ADGRB3: variants seen among roughly 807,000 people sequenced by gnomAD.
ADGRB3 encodes the protein brain-specific angiogenesis inhibitor 3.
In ADGRB3, 37 loss-of-function variants were observed where a neutral mutation model predicts 193.4. That is an observed-to-expected ratio of 0.19 (90% CI 0.15 to 0.25). The LOEUF (loss-of-function observed/expected upper bound fraction) is 0.25, where lower values mean the gene tolerates loss of function less well. Ranked by LOEUF, ADGRB3 falls within the 10% of genes least tolerant of loss-of-function variation. The pLI, the probability that ADGRB3 is intolerant of heterozygous loss-of-function variation, is 1.00. For missense variants in ADGRB3, 1,637 were observed against 1,852.9 expected (o/e 0.88, Z 2.14); for synonymous variants, 690 against 644.2 (o/e 1.07, Z -1.08).
chr6:69,138,730 G>T (rs1425322027), intron 17 of ADGRB3, among the ~76,000 whole-genome samples: 3 of 152,060 alleles, frequency 2.0e-5, no homozygotes, highest in African/African-American at 7.2e-5. Context: ...CTAGGTTAAT[G>T]AATTATAATG....
intron 20 of ADGRB3, among the ~76,000 whole-genome samples, chr6:69,265,092 T>C (rs1454145707): frequency 6.6e-6 from 1 of 151,974 alleles, no homozygotes; most frequent in Non-Finnish European, 1.5e-5. Context: ...CATTGCCTTA[T>C]ACAGTGGTTC....
intron 3 of ADGRB3, among the ~76,000 whole-genome samples, chr6:68,921,786 G>C (rs1268071433): frequency 2.0e-5 from 3 of 151,646 alleles, no homozygotes; most frequent in Non-Finnish European, 4.4e-5. Context: ...GAGGTATAGA[G>C]AGACTAGATT....
intron 11 of ADGRB3, among the ~76,000 whole-genome samples, chr6:69,002,122 A>C (rs1395738846): frequency 2.0e-5 from 3 of 152,172 alleles, no homozygotes; most frequent in Non-Finnish European, 4.4e-5. Context: ...TTTCTTTTTT[A>C]AGTTCAGACT....
At chr6:68,687,728 A>G (rs1765008779) in intron 3 of ADGRB3, among the ~76,000 whole-genome samples, 1 of 152,200 alleles carries the variant, frequency 6.6e-6, no homozygotes. Flanking sequence ...GAGGAAAAAA[A>G]CAGAAATGTA....
chr6:69,139,220 C>G (rs571763558), intron 17 of ADGRB3, among the ~76,000 whole-genome samples: 2 of 152,312 alleles, frequency 1.3e-5, no homozygotes, highest in East Asian at 3.9e-4. Context: ...CTCAGCTCAC[C>G]CATTTTCCTC....
intron 17 of ADGRB3, among the ~76,000 whole-genome samples, chr6:69,107,210 G>T (rs954667378): frequency 1.3e-5 from 2 of 151,442 alleles, no homozygotes; most frequent in African/African-American, 4.8e-5. Context: ...TTATTAATTA[G>T]CCTTTTTTAA....
At chr6:68,869,165 A>G (rs945809165) in intron 3 of ADGRB3, among the ~76,000 whole-genome samples, 4 of 152,148 alleles carry the variant, frequency 2.6e-5, no homozygotes, top group African/African-American at 9.7e-5. Flanking sequence ...ATTATTCTGC[A>G]TTTATCACTG....
chr6:68,851,389 A>T (rs142478586), intron 3 of ADGRB3, among the ~76,000 whole-genome samples: 1,592 of 151,928 alleles, frequency 0.01, 26 homozygotes, highest in African/African-American at 0.036. Context: ...TTTCCTAGGT[A>T]TCACTTAGGA....
intron 3 of ADGRB3, among the ~76,000 whole-genome samples, chr6:68,817,304 CATGTATATAT>C (rs1490255463): frequency 0.033 from 1,903 of 57,024 alleles, 99 homozygotes; most frequent in Non-Finnish European, 0.054. Flanking sequence ...CCCTTTTGTC[CATGTATATAT>C]ATATATATAT....
At chr6:69,031,015 CT>C (rs55776177) in intron 13 of ADGRB3, among the ~76,000 whole-genome samples, 6,523 of 76,624 alleles carry the variant, frequency 0.085, 1,588 homozygotes, top group African/African-American at 0.23. Flanking sequence ...CTTTTCTTTT[CT>C]TTTTTTTTTC....
At chr6:68,998,994 A>AGCT (rs1769476934) in intron 11 of ADGRB3, among the ~76,000 whole-genome samples, 1 of 152,182 alleles carries the variant, frequency 6.6e-6, no homozygotes, top group Non-Finnish European at 1.5e-5. Context: ...ATGTAAGAAA[A>AGCT]GCTGCTGTGT....
At chr6:69,223,715 G>T (rs2127251474) in intron 17 of ADGRB3, among the ~76,000 whole-genome samples, 1 of 139,046 alleles carries the variant, frequency 7.2e-6, no homozygotes, top group Non-Finnish European at 1.5e-5. Context: ...GGTATGCAGT[G>T]GCATGATCTC....
intron 3 of ADGRB3, among the ~76,000 whole-genome samples, chr6:68,886,983 T>G (rs1765927974): frequency 6.6e-6 from 1 of 151,792 alleles, no homozygotes; most frequent in Non-Finnish European, 1.5e-5. Flanking sequence ...ATATTTTATA[T>G]TATAAATACA....
chr6:69,032,858 C>G (rs1237915107), intron 13 of ADGRB3, among the ~76,000 whole-genome samples: 1 of 152,022 alleles, frequency 6.6e-6, no homozygotes, highest in African/African-American at 2.4e-5. Context: ...GACTAACTAG[C>G]CTTCTGGAAG....
intron 31 of ADGRB3, among the ~76,000 whole-genome samples, chr6:69,386,309 AAATG>A (rs762380888): frequency 2.0e-5 from 3 of 152,110 alleles, no homozygotes; most frequent in Non-Finnish European, 4.4e-5. Flanking sequence ...TATTCCAAGC[AAATG>A]AACAAATACT....
chr6:69,046,769 A>T (rs958327631), intron 13 of ADGRB3, among the ~76,000 whole-genome samples: 26 of 152,260 alleles, frequency 1.7e-4, no homozygotes, highest in African/African-American at 6.3e-4. Flanking sequence ...TAATATATTT[A>T]TACAACTAAT....
intron 20 of ADGRB3, among the ~76,000 whole-genome samples, chr6:69,249,519 TA>T (rs1429031361): frequency 6.6e-6 from 1 of 152,206 alleles, no homozygotes. Context: ...TTAAAGCCCT[TA>T]TTAGAGAAAC....
chr6:69,176,936 T>C (rs1342934979), intron 17 of ADGRB3, among the ~76,000 whole-genome samples: 1 of 152,238 alleles, frequency 6.6e-6, no homozygotes, highest in African/African-American at 2.4e-5. Flanking sequence ...CATAATAGTC[T>C]TTCAGGATTT....
At chr6:69,268,876 C>T (rs1306631977) in intron 20 of ADGRB3, among the ~76,000 whole-genome samples, 20 of 151,988 alleles carry the variant, frequency 1.3e-4, no homozygotes, top group Non-Finnish European at 1.5e-5. Flanking sequence ...TTGATGTTTT[C>T]CCCCATAAAA....
Sources: gnomAD v4.1 joint callset for allele counts (sites outside exome capture counted in the v4.1 genomes callset) on GRCh38, gnomAD v4.1.1 for gene constraint, MANE v1.5 for transcripts, NCBI Gene and HGNC (gene_info 2026-07-23, HGNC 2026-07-21) for gene names.